The following ACSM2A variants were observed in gnomAD, a reference collection of about 807,000 sequenced individuals.
ACSM2A encodes acyl-coenzyme A synthetase ACSM2A, mitochondrial.
In ACSM2A, 72 loss-of-function variants were observed where a neutral mutation model predicts 76.6. The ratio of observed to expected loss-of-function variants is 0.94; its 90% CI spans 0.78 to 1.14. The LOEUF (loss-of-function observed/expected upper bound fraction) is 1.14, where lower values mean the gene tolerates loss of function less well. Ranked by LOEUF, ACSM2A falls within the 50% of genes most tolerant of loss-of-function variation. The probability of loss-of-function intolerance (pLI) is 0.00; values close to 1 mark genes in which losing one functional copy is unlikely to be tolerated. For synonymous variants in ACSM2A, 249 were observed against 255.9 expected (o/e 0.97, Z 0.26); for missense variants, 684 against 708.5 (o/e 0.97, Z 0.39).
intron 13 of ACSM2A, among the ~76,000 whole-genome samples, chr16:20,485,787 A>C (rs1441030415): frequency 6.6e-6 from 1 of 152,186 alleles, no homozygotes; most frequent in African/African-American, 2.4e-5. Flanking sequence ...CCTATTATTA[A>C]ATTAAAGTTA....
chr16:20,486,720 CT>C lies in ACSM2A; in HGVS notation c.*45del. ...TCATTTGGATTCCCCTCTTCTTTCT[CT>C]TTCTTTTCCCTTTGGGCCCTTGGCC... On this transcript the variant is annotated 3_prime_UTR_variant, in exon 14 of 14. Coordinates refer to ENST00000573854, the MANE Select transcript of ACSM2A (RefSeq NM_001308172.2). 1 of 1,607,820 alleles carries C rather than the reference CT, an allele frequency of 6.2e-7. No homozygotes were observed. The highest frequency in any genetic ancestry group is 8.5e-7 in the Non-Finnish European group (1 of 1,174,656).
At position 20,483,048 on chromosome 16, in the gene ACSM2A, T is replaced by G; in HGVS notation, c.1510-10T>G. On this transcript the variant is annotated splice_polypyrimidine_tract_variant and intron_variant, in intron 12 of 13. Coordinates refer to ENST00000573854, the MANE Select transcript of ACSM2A (RefSeq NM_001308172.2). ...TAATCCCTTCTCTCTGGCCTTCATC[T>G]TTTTTGCAGGTGGTGAAGGCATTTG... 1 of 1,612,462 alleles carries G rather than the reference T, an allele frequency of 6.2e-7. No individual in the cohort carries two copies.
intron 13 of ACSM2A, among the ~76,000 whole-genome samples, chr16:20,485,109 G>A (rs188085989): frequency 8.5e-5 from 13 of 152,290 alleles, no homozygotes; most frequent in African/African-American, 2.4e-4. Context: ...GTTCATTTAA[G>A]AAGGCATCAG....
chr16:20,464,796 G>A lies in ACSM2A; in HGVS notation c.178-721G>A, dbSNP rs200121078. Among the ~76,000 whole-genome samples, 49 of 152,186 alleles carry A rather than the reference G, an allele frequency of 3.2e-4. 1 individual carries two copies. In the East Asian group the frequency reaches 7.0e-3, roughly 22 times the overall value. On this transcript the variant is annotated intron_variant, in intron 2 of 13. Coordinates refer to ENST00000573854, the MANE Select transcript of ACSM2A (RefSeq NM_001308172.2). The stretch of plus-strand genomic sequence containing the variant: ...AGGGCCTAAAGGGAGAGGGGATGAC[G>A]GGTGATTGTGTAACGGGGACAGAGT...
At chr16:20,457,388 T>C (rs1388657872) in intron 1 of ACSM2A, among the ~76,000 whole-genome samples, 1 of 152,062 alleles carries the variant, frequency 6.6e-6, no homozygotes, top group African/African-American at 2.4e-5. Flanking sequence ...CCAATATCCT[T>C]GATGAACATA....
In ACSM2A at chr16:20,458,905, C is replaced by CATATATATATAT. The variant is rs72108144; in HGVS notation, c.-8-1186_-8-1175dup. On this transcript the variant is annotated intron_variant, in intron 1 of 13. Transcript: ENST00000573854. Reference sequence around the variant, plus strand: ...ACATAGTATATATTATATATATATGCATATATATATATATATATATATATA... The same window carrying CATATATATATAT: ...ACATAGTATATATTATATATATATGCATATATATATATATATATATATATATATATATATATA... 1.3e-3 allele frequency among the ~76,000 whole-genome samples: 96 copies of CATATATATATAT among 74,866 alleles called. 2 individuals carry two copies. The South Asian group carries it at 0.017, about 14-fold the overall frequency. 49.1% of individuals were successfully genotyped at this position (74,866 alleles called of 152,430 possible).
chr16:20,477,287 C>T (rs1400982186), intron 8 of ACSM2A, 82 bp from the exon 9 acceptor site: 10 of 1,561,392 alleles, frequency 6.4e-6, no homozygotes, highest in African/African-American at 2.7e-5. Flanking sequence ...AGTGTCAGGA[C>T]CTGCTCTGCA....
chr16:20,478,528 C>T, intron 9 of ACSM2A, 48 bp from the exon 10 acceptor site: 2 of 1,585,298 alleles, frequency 1.3e-6, no homozygotes, highest in Non-Finnish European at 1.7e-6. Context: ...GCCATTGAAG[C>T]CATCTCCTGC....
At chr16:20,475,115 C>T (rs1332883421) in intron 6 of ACSM2A, among the ~76,000 whole-genome samples, 3 of 152,132 alleles carry the variant, frequency 2.0e-5, no homozygotes, top group South Asian at 2.1e-4. Context: ...CAGGATTTGA[C>T]AAAAATGTTT....
chr16:20,460,423 C>G (rs575029791), intron 2 of ACSM2A, 132 bp downstream of exon 2: 11 of 1,477,550 alleles, frequency 7.4e-6, no homozygotes, highest in African/African-American at 5.6e-5. Flanking sequence ...ACAAGACACT[C>G]GTCTTCCATG....
intron 9 of ACSM2A, 120 bp from the exon 10 acceptor site, chr16:20,478,456 T>G: frequency 8.6e-7 from 1 of 1,167,764 alleles, no homozygotes; most frequent in South Asian, 1.9e-5. Context: ...TTCTGGTTGT[T>G]GTTTTCAGTC....
At chr16:20,452,228 G>C (rs927232048) in intron 1 of ACSM2A, 1 of 151,960 alleles carries the variant, frequency 6.6e-6, no homozygotes, top group Non-Finnish European at 1.5e-5. Context: ...GGTGGGCTGG[G>C]AGAGGCAGAC....
In ACSM2A at chr16:20,471,545, C is replaced by T; in HGVS notation, c.750C>T (p.Gly250=). Residue 250 remains glycine (G), a synonymous_variant, in exon 6 of 14, where the codon GGC becomes GGT. Coordinates refer to ENST00000573854, the MANE Select transcript of ACSM2A (RefSeq NM_001308172.2). ...LKAKMDAGWT[G]LQASDIMWTI... ...TTGTCTGTGTTTTCAGTTGGACAGGCCTGCAAGCCTCTGATATAATGTGGA... is the reference window on the plus strand; with the variant it reads ...TTGTCTGTGTTTTCAGTTGGACAGGTCTGCAAGCCTCTGATATAATGTGGA... 6.2e-7 allele frequency: 1 copy of T among 1,612,454 alleles called. No individual in the cohort carries two copies. The highest frequency in any genetic ancestry group is 2.2e-5 in the East Asian group (1 of 44,870).
At chr16:20,476,810 A>G in intron 8 of ACSM2A, 2 of 829,230 alleles carry the variant, frequency 2.4e-6, no homozygotes, top group Non-Finnish European at 3.0e-6. Flanking sequence ...TCTGTTGGGA[A>G]GGTTCATTTC....
intron 6 of ACSM2A, among the ~76,000 whole-genome samples, chr16:20,472,846 T>C (rs547355610): frequency 3.7e-4 from 57 of 152,342 alleles, no homozygotes; most frequent in African/African-American, 8.7e-4. Flanking sequence ...AAGTATTTCA[T>C]TATGTGAATC....
chr16:20,472,522 G>T (rs2013480165), intron 6 of ACSM2A, among the ~76,000 whole-genome samples: 1 of 152,038 alleles, frequency 6.6e-6, no homozygotes, highest in Admixed American at 6.5e-5. Flanking sequence ...CTTTAATATA[G>T]GGATTTAGGT....
At chr16:20,485,824 AG>A in intron 13 of ACSM2A, among the ~76,000 whole-genome samples, 1 of 152,356 alleles carries the variant, frequency 6.6e-6, no homozygotes, top group Non-Finnish European at 1.5e-5. Context: ...TATTAATTCA[AG>A]ACCATCTAAC....
chr16:20,471,579 G>C lies in ACSM2A; in HGVS notation c.784G>C (p.Asp262His). Residue 262 changes from aspartate (D) to histidine (H), a missense_variant, in exon 6 of 14, where the codon GAC (aspartate) becomes CAC (histidine). Coordinates refer to ENST00000573854, the MANE Select transcript of ACSM2A (RefSeq NM_001308172.2). ...CTCTGATATAATGTGGACCATATCAGACACAGGTTGGATACTGAACATCTT... is the reference window on the plus strand; with the variant it reads ...CTCTGATATAATGTGGACCATATCACACACAGGTTGGATACTGAACATCTT... ...QASDIMWTIS[D>H]TGWILNILCS... The C allele has an allele frequency of 6.2e-7, 1 of 1,614,036 alleles. No individual in the cohort carries two copies.
chr16:20,453,434 C>T (rs1468631076), intron 1 of ACSM2A: 1 of 151,232 alleles, frequency 6.6e-6, no homozygotes. Flanking sequence ...AATTAACACT[C>T]TTATAGTTTC....
Sources: allele counts gnomAD v4.1 joint callset (sites outside exome capture counted in the v4.1 genomes callset), GRCh38; gene constraint gnomAD v4.1.1; transcripts MANE v1.5; gene names NCBI Gene and HGNC (gene_info 2026-07-23, HGNC 2026-07-21).